Variants in HDAC9 observed in about 807,000 individuals in gnomAD.
The protein encoded by HDAC9 is MEF-2 interacting transcription repressor (MITR) protein.
Under a neutral mutation model 139.4 loss-of-function variants are expected in HDAC9, and 41 were observed. That is an observed-to-expected ratio of 0.29 (90% CI 0.23 to 0.38). HDAC9 has a LOEUF of 0.38. Ranked by LOEUF, HDAC9 falls within the 10% of genes least tolerant of loss-of-function variation. The pLI, the probability that HDAC9 is intolerant of heterozygous loss-of-function variation, is 1.00. For missense variants in HDAC9, 1,147 were observed against 1,297.0 expected (o/e 0.88, Z 1.78); for synonymous variants, 517 against 476.2 (o/e 1.09, Z -1.12).
chr7:18,785,560 C>T (rs1562939842), intron 16 of HDAC9, among the ~76,000 whole-genome samples: 1 of 152,048 alleles, frequency 6.6e-6, no homozygotes, highest in African/African-American at 2.4e-5. Flanking sequence ...CCACTTGAAA[C>T]ATTTGATTTA....
Position 18,659,653 on chromosome 7 carries a change from A to G in HDAC9, c.1468-6560A>G, listed in dbSNP as rs552542276. Among the ~76,000 whole-genome samples, 6 of 152,234 alleles carry G rather than the reference A, an allele frequency of 3.9e-5. No homozygotes were observed. In the South Asian group the frequency reaches 8.3e-4, roughly 21 times the overall value. On this transcript the variant is annotated intron_variant, in intron 11 of 25. Transcript: ENST00000686413. ...TAGAGAGACAGCCTGACAGATGAGTATGAGCACACACAAAAGGCAAAGGAG... is the reference window on the plus strand; with the variant it reads ...TAGAGAGACAGCCTGACAGATGAGTGTGAGCACACACAAAAGGCAAAGGAG...
intron 12 of HDAC9, among the ~76,000 whole-genome samples, chr7:18,696,480 T>C (rs916511110): frequency 6.6e-6 from 1 of 150,408 alleles, no homozygotes; most frequent in African/African-American, 2.4e-5. Flanking sequence ...TTTGCTTTTT[T>C]TTTTTTGAGA....
chr7:18,938,177 G>A (rs964123420), intron 23 of HDAC9, among the ~76,000 whole-genome samples: 2 of 137,188 alleles, frequency 1.5e-5, no homozygotes, highest in African/African-American at 2.7e-5. Flanking sequence ...GATGGCATGA[G>A]CCGAGATCCC....
At chr7:18,913,589 T>A (rs1563051068) in intron 22 of HDAC9, among the ~76,000 whole-genome samples, 1 of 152,058 alleles carries the variant, frequency 6.6e-6, no homozygotes, top group African/African-American at 2.4e-5. Context: ...AAGAGGACGC[T>A]TATAGCAGCC....
At chr7:18,398,704 C>T (rs560085420) in intron 1 of HDAC9, among the ~76,000 whole-genome samples, 11 of 152,132 alleles carry the variant, frequency 7.2e-5, no homozygotes, top group African/African-American at 2.2e-4. Context: ...CTAAGTTTAG[C>T]CAATTCTGAT....
At chr7:18,189,233 T>C (rs1397772070) in intron 2 of HDAC9, among the ~76,000 whole-genome samples, 2 of 150,724 alleles carry the variant, frequency 1.3e-5, no homozygotes, top group African/African-American at 4.9e-5. Flanking sequence ...CTCAGCAAAC[T>C]AACACAGGAA....
At chr7:18,701,040 T>A (rs1273525896) in intron 12 of HDAC9, among the ~76,000 whole-genome samples, 1 of 152,156 alleles carries the variant, frequency 6.6e-6, no homozygotes, top group Non-Finnish European at 1.5e-5. Flanking sequence ...CCCTTTCAGT[T>A]GGACAGATAC....
chr7:18,958,847 T>C (rs1399888972), intron 24 of HDAC9, among the ~76,000 whole-genome samples: 1 of 152,168 alleles, frequency 6.6e-6, no homozygotes, highest in Non-Finnish European at 1.5e-5. Context: ...TCTCCTTTCT[T>C]CACAACCCAC....
intron 12 of HDAC9, among the ~76,000 whole-genome samples, chr7:18,685,493 A>G (rs1269120999): frequency 6.6e-6 from 1 of 152,114 alleles, no homozygotes; most frequent in Non-Finnish European, 1.5e-5. Context: ...GCTGACATGT[A>G]AAGATGACAT....
At chr7:18,405,371 C>G (rs1015097827) in intron 1 of HDAC9, among the ~76,000 whole-genome samples, 2 of 152,096 alleles carry the variant, frequency 1.3e-5, no homozygotes, top group Non-Finnish European at 2.9e-5. Context: ...GATTCCTGTT[C>G]TAGATTGCTT....
chr7:18,480,258 A>G (rs1795449877), intron 1 of HDAC9, among the ~76,000 whole-genome samples: 1 of 152,204 alleles, frequency 6.6e-6, no homozygotes, highest in African/African-American at 2.4e-5. Context: ...GTACATAGAT[A>G]AAACCGAGGA....
Position 18,327,259 on chromosome 7 carries a change from C to G in HDAC9, c.-42+36744C>G, listed in dbSNP as rs535955774. Among the ~76,000 whole-genome samples, 13 of 151,708 alleles carry G rather than the reference C, an allele frequency of 8.6e-5. No homozygotes were observed. In the South Asian group the frequency reaches 2.7e-3, roughly 32 times the overall value. ...CTTATTTCTTATGATGAGCAGTTAC[C>G]TACTATAGATTATATTTAATCTGGT... On this transcript the variant is annotated intron_variant, in intron 1 of 3. Transcript: ENST00000413509.
intron 11 of HDAC9, among the ~76,000 whole-genome samples, chr7:18,659,472 T>C (rs908416632): frequency 1.3e-5 from 2 of 152,156 alleles, no homozygotes; most frequent in African/African-American, 4.8e-5. Flanking sequence ...CCTTGAAGAC[T>C]TTTGAAATTT....
At chr7:18,976,007 T>C (rs965388322) in intron 25 of HDAC9, 54 bp downstream of exon 25, 34 of 1,557,124 alleles carry the variant, frequency 2.2e-5, no homozygotes, top group African/African-American at 4.1e-5. Context: ...AGGCTCATCG[T>C]TGATATTTGT....
chr7:18,117,712 G>A (rs1784095799), intron 1 of HDAC9, among the ~76,000 whole-genome samples: 4 of 152,228 alleles, frequency 2.6e-5, no homozygotes, highest in Admixed American at 2.6e-4. Flanking sequence ...GAGAGGGAGC[G>A]TGGACCTGCT....
chr7:18,556,619 T>A (rs992696651), intron 2 of HDAC9, among the ~76,000 whole-genome samples: 1 of 152,080 alleles, frequency 6.6e-6, no homozygotes, highest in Non-Finnish European at 1.5e-5. Flanking sequence ...AGTGTTGAAG[T>A]CAGCAGCCAA....
intron 1 of HDAC9, among the ~76,000 whole-genome samples, chr7:18,313,311 C>G (rs1301689110): frequency 6.6e-6 from 1 of 152,046 alleles, no homozygotes; most frequent in Admixed American, 6.6e-5. Context: ...TTTTCTGATT[C>G]AATTATATCC....
chr7:18,263,362 C>T (rs142920233), intron 2 of HDAC9, among the ~76,000 whole-genome samples: 8 of 152,124 alleles, frequency 5.3e-5, no homozygotes, highest in Admixed American at 2.6e-4. Flanking sequence ...CATTAACACT[C>T]TGGTCCACAG....
In HDAC9 at chr7:18,717,241, ACACCTGTTAATC is replaced by A. The variant is rs1157857128; in HGVS notation, c.1732-10336_1732-10325del. Among the ~76,000 whole-genome samples, 5 of 152,192 alleles carry A rather than the reference ACACCTGTTAATC, an allele frequency of 3.3e-5. No individual in the cohort carries two copies. The East Asian group carries it at 9.7e-4, about 29-fold the overall frequency. On this transcript the variant is annotated intron_variant, in intron 12 of 25. Coordinates refer to ENST00000686413, the MANE Select transcript of HDAC9 (RefSeq NM_178425.4). ...AGCGCATTCTGTTGCTGGTGAGCAT[ACACCTGTTAATC>A]CAGCTTCCCTGAACTGTGCACCGCA...
Sources: gnomAD v4.1 joint callset for allele counts (sites outside exome capture counted in the v4.1 genomes callset) on GRCh38, gnomAD v4.1.1 for gene constraint, MANE v1.5 for transcripts, NCBI Gene and HGNC (gene_info 2026-07-23, HGNC 2026-07-21) for gene names.